PKD1L1: variants seen among roughly 807,000 people sequenced by gnomAD.
The protein encoded by PKD1L1 is polycystin-1-like protein 1.
Under a neutral mutation model 323.4 loss-of-function variants are expected in PKD1L1, and 236 were observed. That is an observed-to-expected ratio of 0.73 (90% confidence interval 0.66 to 0.81). The LOEUF (loss-of-function observed/expected upper bound fraction) is 0.81. PKD1L1 is among the 40% of genes least tolerant of loss of function. PKD1L1 has a pLI of 0.00. For missense variants in PKD1L1, 3,320 were observed against 3,508.0 expected (o/e 0.95, Z 1.35); for synonymous variants, 1,344 against 1,335.0 (o/e 1.01, Z -0.15).
intron 47 of PKD1L1, 81 bp from the exon 48 acceptor site, chr7:47,814,095 G>GA: frequency 8.7e-7 from 1 of 1,147,622 alleles, no homozygotes; most frequent in Non-Finnish European, 1.3e-6. Flanking sequence ...AAAAGGCGTG[G>GA]GGCTCTGGGT....
Position 47,811,372 on chromosome 7 carries a change from G to T in PKD1L1, c.7581+445C>A, listed in dbSNP as rs189581511. On this transcript the variant is annotated intron_variant, in intron 50 of 56. Coordinates refer to ENST00000289672, the MANE Select transcript of PKD1L1 (RefSeq NM_138295.5). ...GGTTTTCACCATGTTGGCCAGGCCG[G>T]TGTTGAACTCCTGACCTTGTGATCC... is the stretch of plus-strand genomic sequence containing the variant. 6.5e-3 allele frequency among the ~76,000 whole-genome samples: 989 copies of T among 152,246 alleles called. 8 individuals carry two copies. Among genetic ancestry groups the T allele is most frequent in the African/African-American group, 0.023 (945 of 41,522 alleles).
intron 31 of PKD1L1, among the ~76,000 whole-genome samples, chr7:47,847,364 T>C (rs2128739688): frequency 6.6e-6 from 1 of 152,296 alleles, no homozygotes; most frequent in South Asian, 2.1e-4. Context: ...CCTGACACCC[T>C]GAACAGGCCA....
Position 47,905,595 on chromosome 7 carries a change from G to A in PKD1L1, c.1522+248C>T, listed in dbSNP as rs531492358. ...TTGAGATTCTGCTAGAAAGGGTGTGGCACATGGAGCTGGCAGATAACAGTC... is the reference window on the plus strand; with the variant it reads ...TTGAGATTCTGCTAGAAAGGGTGTGACACATGGAGCTGGCAGATAACAGTC... On this transcript the variant is annotated intron_variant, in intron 10 of 56. Coordinates refer to ENST00000289672, the MANE Select transcript of PKD1L1 (RefSeq NM_138295.5). 4.6e-5 allele frequency among the ~76,000 whole-genome samples: 7 copies of A among 152,306 alleles called. No homozygotes were observed. In the South Asian group the frequency reaches 1.2e-3, roughly 27 times the overall value.
rs756596269 is a variant in PKD1L1 at position 47,931,220 on chromosome 7, C to A, written c.621G>T (p.Gly207=). ...CCATCGTGACAGTCCCAGGAAGCAG[C>A]CCCGTGGCCACATCCTCCGCACAGC... is the stretch of plus-strand genomic sequence containing the variant. ...LLCCAEDVAT[G]LLPGTVTMET... is the part of the protein sequence containing the mutation. Residue 207 remains glycine (G), a synonymous_variant, in exon 6 of 57, where the codon GGG becomes GGT. Transcript: ENST00000289672. The A allele has an allele frequency of 1.9e-6, 3 of 1,614,248 alleles. No individual in the cohort carries two copies. Among genetic ancestry groups the A allele is most frequent in the Admixed American group, 1.7e-5 (1 of 60,032 alleles).
chr7:47,894,849 C>A (rs1306227946), intron 14 of PKD1L1, among the ~76,000 whole-genome samples: 3 of 124,794 alleles, frequency 2.4e-5, no homozygotes, highest in South Asian at 4.6e-4. Context: ...CAGAGTGAGA[C>A]CCTGTCAAAA....
chr7:47,958,971 G>A, the PKD1L1 span, among the ~76,000 whole-genome samples: 2 of 152,238 alleles, frequency 1.3e-5, no homozygotes, highest in Admixed American at 6.5e-5. Flanking sequence ...GCAGGCGCGC[G>A]CCACCATGCC....
chr7:47,840,712 AG>A lies in PKD1L1; in HGVS notation c.5446-146del. The A allele has an allele frequency of 1.6e-6, 1 of 621,260 alleles. No homozygotes were observed. Among genetic ancestry groups the A allele is most frequent in the Non-Finnish European group, 2.8e-6 (1 of 354,364 alleles). The allele number at this position is 621,260 out of a possible 1,614,324, so 38.5% of individuals were successfully genotyped here. A position where few individuals can be genotyped will look rare whatever the true frequency, so the allele number is the denominator to read the frequency against. ...CGGTGGAGTGCCACAGCCTAGAGCC[AG>A]GGGATGAGTGGGCACGTCCAGTCCC... On this transcript the variant is annotated intron_variant, in intron 34 of 56. Coordinates refer to ENST00000289672, the MANE Select transcript of PKD1L1 (RefSeq NM_138295.5). This position sits in a 1 kb window ranked among gnomAD's most constrained non-coding sequence, Gnocchi z 4.1.
At chr7:47,865,150 G>T in intron 26 of PKD1L1, 66 bp downstream of exon 26, 2 of 1,186,874 alleles carry the variant, frequency 1.7e-6, no homozygotes, top group South Asian at 1.3e-5. Flanking sequence ...TATTTTTCAA[G>T]AACTGATCAT....
intron 14 of PKD1L1, among the ~76,000 whole-genome samples, chr7:47,894,551 C>G (rs1786895258): frequency 6.6e-6 from 1 of 152,156 alleles, no homozygotes; most frequent in Admixed American, 6.6e-5. Context: ...TCATATTGTT[C>G]TTTTACAAGT....
the PKD1L1 span, chr7:47,957,181 T>C: frequency 2.7e-3 from 504 of 184,838 alleles, 2 homozygotes; most frequent in African/African-American, 0.011. Context: ...CCACTAGAAA[T>C]GCTGCAAATT....
At chr7:47,816,185 G>A (rs1467720298) in intron 46 of PKD1L1, among the ~76,000 whole-genome samples, 3 of 152,224 alleles carry the variant, frequency 2.0e-5, no homozygotes, top group Admixed American at 1.3e-4. Context: ...CTCCCAAGAT[G>A]CCTGTGAGTG....
chr7:47,934,220 T>C (rs904542977), intron 4 of PKD1L1, among the ~76,000 whole-genome samples: 1 of 152,196 alleles, frequency 6.6e-6, no homozygotes, highest in Non-Finnish European at 1.5e-5. Flanking sequence ...ATTGCCTCCT[T>C]AGGAGCTCCA....
At position 47,902,458 on chromosome 7, in the gene PKD1L1, G is replaced by A; in HGVS notation, c.1985C>T (p.Thr662Ile). The change falls in exon 13 of 57, where the codon ACT becomes ATT. Residue 662 changes from threonine to isoleucine, a missense_variant. By Grantham distance (89) the Thr-to-Ile change is moderately conservative. Transcript: ENST00000289672. ...CACGATGAAAAGTTGCTGTCTTAGA[G>A]TGGAGGCACTGACATTATTGAAGGC... is the stretch of plus-strand genomic sequence containing the variant. ...VLAFNNVSAS[T>I]LRQQLFIVCE... 6.2e-7 allele frequency: 1 copy of A among 1,614,174 alleles called. No individual in the cohort carries two copies. Among genetic ancestry groups the A allele is most frequent in the Non-Finnish European group, 8.5e-7 (1 of 1,179,992 alleles).
At position 47,851,092 on chromosome 7, in the gene PKD1L1, TAC is replaced by T. The variant is rs200866475; in HGVS notation, c.4960+2033_4960+2034del. 1.6e-4 allele frequency among the ~76,000 whole-genome samples: 24 copies of T among 151,062 alleles called. No individual in the cohort carries two copies. The East Asian group carries it at 1.9e-3, about 12-fold the overall frequency. On this transcript the variant is annotated intron_variant, in intron 31 of 56. Transcript: ENST00000289672. ...GTGATTAACTCATTTTACACACACA[TAC>T]ACACACACACACAGACGTTAAATCA...
At chr7:47,833,340 C>G in intron 40 of PKD1L1, 88 bp from the exon 41 acceptor site, 1 of 1,432,718 alleles carries the variant, frequency 7.0e-7, no homozygotes, top group Non-Finnish European at 9.5e-7. Context: ...TTGCCGCCTT[C>G]TCAGAGGACA....
intron 15 of PKD1L1, among the ~76,000 whole-genome samples, chr7:47,892,366 G>A (rs1228624664): frequency 6.6e-6 from 1 of 152,178 alleles, no homozygotes; most frequent in African/African-American, 2.4e-5. Context: ...AAGGCCAAAC[G>A]GGCTGCACAG....
chr7:47,785,015 G>A (rs1786776645), intron 56 of PKD1L1, among the ~76,000 whole-genome samples: 2 of 152,082 alleles, frequency 1.3e-5, no homozygotes, highest in South Asian at 2.1e-4. Context: ...CACAGTGGTG[G>A]AGAGAAAGTC....
chr7:47,790,994 CCA>C (rs1236681813), intron 56 of PKD1L1, among the ~76,000 whole-genome samples: 1 of 152,096 alleles, frequency 6.6e-6, no homozygotes, highest in Non-Finnish European at 1.5e-5. Context: ...CCTTGGCCTC[CCA>C]GATGCTGGGA....
At chr7:47,880,110 A>T (rs1786506131) in intron 21 of PKD1L1, among the ~76,000 whole-genome samples, 1 of 150,190 alleles carries the variant, frequency 6.7e-6, no homozygotes, top group Non-Finnish European at 1.5e-5. Flanking sequence ...CCTGTGGGTG[A>T]ATTTCAATGA....
Sources: allele counts gnomAD v4.1 joint callset (sites outside exome capture counted in the v4.1 genomes callset), GRCh38; gene constraint gnomAD v4.1.1; non-coding constraint Gnocchi (gnomAD v3.1); transcripts MANE v1.5; gene names NCBI Gene and HGNC (gene_info 2026-07-23, HGNC 2026-07-21).